The following ARHGAP24 variants were observed in gnomAD, a reference collection of about 807,000 sequenced individuals.
ARHGAP24 encodes the protein rho GTPase-activating protein 24.
A neutral mutation model predicts 76.4 loss-of-function variants in ARHGAP24; 50 were observed. The observed-to-expected ratio is 0.65, with a 90% confidence interval of 0.52 to 0.83. The LOEUF (loss-of-function observed/expected upper bound fraction) is 0.83. Ranked by LOEUF, ARHGAP24 falls within the 40% of genes least tolerant of loss-of-function variation. The probability of loss-of-function intolerance (pLI) is 0.00; values close to 1 mark genes in which losing one functional copy is unlikely to be tolerated. For synonymous variants in ARHGAP24, 345 were observed against 323.3 expected (o/e 1.07, Z -0.72); for missense variants, 930 against 914.2 (o/e 1.02, Z -0.22).
At chr4:85,924,789 A>C (rs1009735576) in intron 4 of ARHGAP24, 5 of 152,174 alleles carry the variant, frequency 3.3e-5, no homozygotes, top group Admixed American at 2.0e-4. Flanking sequence ...ATGATATTTT[A>C]CTAGATTAAT....
At chr4:85,943,042 AT>A (rs1303277997) in intron 5 of ARHGAP24, among the ~76,000 whole-genome samples, 1 of 152,130 alleles carries the variant, frequency 6.6e-6, no homozygotes, top group Non-Finnish European at 1.5e-5. Context: ...AATATCTAAT[AT>A]TTCACTCTAC....
intron 3 of ARHGAP24, among the ~76,000 whole-genome samples, chr4:85,841,125 A>G (rs997730700): frequency 6.6e-6 from 1 of 152,196 alleles, no homozygotes; most frequent in South Asian, 2.1e-4. Flanking sequence ...GGCTATTTCC[A>G]TTTAGCTGCA....
At chr4:85,787,095 T>TTG (rs1727878131) in intron 3 of ARHGAP24, among the ~76,000 whole-genome samples, 1 of 152,210 alleles carries the variant, frequency 6.6e-6, no homozygotes, top group Admixed American at 6.5e-5. Flanking sequence ...TGCTCTGGTC[T>TTG]TGTTACAAAT....
chr4:85,591,738 G>A (rs1728119234), intron 2 of ARHGAP24, among the ~76,000 whole-genome samples: 2 of 152,242 alleles, frequency 1.3e-5, no homozygotes, highest in Admixed American at 6.5e-5. Context: ...TCATTGCAAG[G>A]GAAAAGGAGG....
chr4:85,822,357 ACT>A (rs993278207), intron 3 of ARHGAP24, among the ~76,000 whole-genome samples: 14 of 152,008 alleles, frequency 9.2e-5, no homozygotes, highest in Admixed American at 4.6e-4. Context: ...TGTGCTGAAG[ACT>A]CTGTTCCCAA....
At chr4:85,979,780 A>G (rs1560762028) in intron 8 of ARHGAP24, among the ~76,000 whole-genome samples, 4 of 152,184 alleles carry the variant, frequency 2.6e-5, no homozygotes, top group Admixed American at 1.3e-4. Context: ...AAGCACATAA[A>G]CAGATTTTTT....
At chr4:85,981,395 G>A (rs980404913) in intron 8 of ARHGAP24, among the ~76,000 whole-genome samples, 7 of 152,112 alleles carry the variant, frequency 4.6e-5, no homozygotes, top group African/African-American at 1.7e-4. Flanking sequence ...CACATTTCTG[G>A]TGAGATTAGT....
At chr4:85,708,802 A>G (rs1389662565) in intron 2 of ARHGAP24, among the ~76,000 whole-genome samples, 2 of 152,282 alleles carry the variant, frequency 1.3e-5, no homozygotes, top group East Asian at 1.9e-4. Context: ...TTACCTTCAT[A>G]TCTATTATCA....
In ARHGAP24 at chr4:85,612,083, TAC is replaced by T. The variant is rs34030905; in HGVS notation, c.180+41400_180+41401del. On this transcript the variant is annotated intron_variant, in intron 2 of 9. Coordinates refer to ENST00000395184, the MANE Select transcript of ARHGAP24 (RefSeq NM_001025616.3). ...TAAATTGGGTTCTCTTTCATTACAT[TAC>T]ACACACACACACACACACACACACA... is the stretch of plus-strand genomic sequence containing the variant. Among the ~76,000 whole-genome samples the T allele has an allele frequency of 9.7e-3, 1,390 of 143,834 alleles. 23 individuals are homozygous for T. The highest frequency in any genetic ancestry group is 0.031 in the South Asian group (130 of 4,260). The allele number at this position is 143,834 out of a possible 152,430, so 94.4% of individuals were successfully genotyped here.
Position 85,500,993 on chromosome 4 carries a change from A to T in ARHGAP24, c.-21+25434A>T, listed in dbSNP as rs142379606. Among the ~76,000 whole-genome samples, 829 of 151,898 alleles carry T rather than the reference A, an allele frequency of 5.5e-3. 10 individuals are homozygous for T. Among genetic ancestry groups the T allele is most frequent in the African/African-American group, 0.019 (769 of 41,396 alleles). On this transcript the variant is annotated intron_variant, in intron 1 of 9. Transcript: ENST00000395184. ...GTGTTTGGTTTTCTGTCTTTGTGAT[A>T]GTTTGCTCAGAATGATGGTCTCTAG... is the stretch of plus-strand genomic sequence containing the variant.
intron 2 of ARHGAP24, among the ~76,000 whole-genome samples, chr4:85,627,371 G>A (rs1720998445): frequency 6.6e-6 from 1 of 152,136 alleles, no homozygotes; most frequent in Non-Finnish European, 1.5e-5. Context: ...ATCATTAGCG[G>A]TGGCTGCAGA....
intron 1 of ARHGAP24, among the ~76,000 whole-genome samples, chr4:85,531,734 C>T (rs1224627296): frequency 2.0e-5 from 3 of 151,916 alleles, no homozygotes; most frequent in African/African-American, 7.2e-5. Context: ...ATTTTCACTT[C>T]CTCCTTTTAA....
At chr4:85,874,888 A>T (rs1732761149) in intron 3 of ARHGAP24, among the ~76,000 whole-genome samples, 1 of 110,852 alleles carries the variant, frequency 9.0e-6, no homozygotes, top group Non-Finnish European at 1.7e-5. Context: ...TTATATATAA[A>T]TATATTTTAT....
At chr4:85,809,397 G>C (rs1373149106) in intron 3 of ARHGAP24, among the ~76,000 whole-genome samples, 2 of 152,062 alleles carry the variant, frequency 1.3e-5, no homozygotes, top group Non-Finnish European at 2.9e-5. Flanking sequence ...AGGTGTTAAT[G>C]GCAGAGTCAG....
chr4:85,894,191 T>G (rs1734007952), intron 3 of ARHGAP24, among the ~76,000 whole-genome samples: 1 of 151,734 alleles, frequency 6.6e-6, no homozygotes, highest in Admixed American at 6.6e-5. Flanking sequence ...TATTCTGTGT[T>G]TAAAGTTAAT....
intron 3 of ARHGAP24, among the ~76,000 whole-genome samples, chr4:85,723,007 A>C (rs1446267772): frequency 6.6e-6 from 1 of 152,214 alleles, no homozygotes; most frequent in Non-Finnish European, 1.5e-5. Context: ...GCTGAAGTGC[A>C]GAAAGGTTAG....
intron 2 of ARHGAP24, among the ~76,000 whole-genome samples, chr4:85,617,496 T>C (rs62317186): frequency 0.26 from 40,223 of 151,832 alleles, 7,463 homozygotes; most frequent in East Asian, 0.84. Context: ...CATTCTTTAG[T>C]TTGTTTTTAT....
intron 3 of ARHGAP24, among the ~76,000 whole-genome samples, chr4:85,830,677 A>G (rs1729949829): frequency 6.6e-6 from 1 of 152,216 alleles, no homozygotes; most frequent in Non-Finnish European, 1.5e-5. Context: ...ACTTTTAACT[A>G]CTATTACTTC....
chr4:85,530,766 T>C (rs1357968161), intron 1 of ARHGAP24, among the ~76,000 whole-genome samples: 1 of 152,030 alleles, frequency 6.6e-6, no homozygotes, highest in African/African-American at 2.4e-5. Context: ...CTGAATAGTA[T>C]TATTTTATGC....
Sources: gnomAD v4.1 joint callset for allele counts (sites outside exome capture counted in the v4.1 genomes callset) on GRCh38, gnomAD v4.1.1 for gene constraint, MANE v1.5 for transcripts, NCBI Gene and HGNC (gene_info 2026-07-23, HGNC 2026-07-21) for gene names.